SPTBN2: variants seen among roughly 807,000 people sequenced by gnomAD.
The protein encoded by SPTBN2 is spectrin beta chain, non-erythrocytic 2.
A neutral mutation model predicts 284.2 loss-of-function variants in SPTBN2; 107 were observed. The ratio of observed to expected loss-of-function variants is 0.38; its 90% confidence interval spans 0.32 to 0.44. The LOEUF is 0.44. Ranked by LOEUF, SPTBN2 falls within the 20% of genes least tolerant of loss-of-function variation. The pLI is 1.00. For missense variants in SPTBN2, 2,569 were observed against 3,287.1 expected (o/e 0.78, Z 5.34); for synonymous variants, 1,289 against 1,354.8 (o/e 0.95, Z 1.07).
rs1196717855 is a variant in SPTBN2 at position 66,701,315 on chromosome 11, C to G, written c.2817-33G>C. 8 of 1,607,800 alleles carry G rather than the reference C, an allele frequency of 5.0e-6. No individual in the cohort carries two copies. The African/African-American group carries it at 9.3e-5, about 19-fold the overall frequency. On this transcript the variant is annotated intron_variant, in intron 16 of 37. Transcript: ENST00000533211. ...CAGGGGGAAGGTTCAGCTTCCTGCC[C>G]TGGCCAGGCCTGTTTGGAAGCTTCT... is the stretch of plus-strand genomic sequence containing the variant.
chr11:66,702,092 T>C (rs539126552), intron 15 of SPTBN2, among the ~76,000 whole-genome samples: 4 of 152,320 alleles, frequency 2.6e-5, no homozygotes, highest in African/African-American at 9.6e-5. Context: ...CACTAATATG[T>C]GTTAGAAAAT....
intron 1 of SPTBN2, among the ~76,000 whole-genome samples, chr11:66,742,387 G>A (rs1942901746): frequency 6.6e-6 from 1 of 152,116 alleles, no homozygotes; most frequent in South Asian, 2.1e-4. Context: ...CAGTAGGGAG[G>A]ACAGCTGTGT....
At chr11:66,686,923 C>T (rs1940154159) in intron 36 of SPTBN2, 71 bp downstream of exon 36, 2 of 1,602,166 alleles carry the variant, frequency 1.2e-6, no homozygotes, top group Non-Finnish European at 8.5e-7. Context: ...TCCCTCTGGA[C>T]CTGACTCATG....
Position 66,694,203 on chromosome 11 carries a change from C to G in SPTBN2, c.4439G>C (p.Arg1480Pro). The G allele has an allele frequency of 6.2e-7, 1 of 1,613,576 alleles. No individual in the cohort carries two copies. The highest frequency in any genetic ancestry group is 8.5e-7 in the Non-Finnish European group (1 of 1,180,028). ...GCGAGAAGCCTGCAGGCGCCGGCAG[C>G]GTTCCCGCATGGGCTGGCACAAGGC... ...FRALCQPMRE[R>P]CRRLQASREQ... The change falls in exon 22 of 38, where the codon CGC becomes CCC. Residue 1480 changes from arginine (R) to proline (P), a missense_variant. Physicochemically the swap from Arg to Pro is moderately radical, Grantham distance 103. This residue lies in a region of SPTBN2 where 1,130 missense variants were observed against 1,317.3 expected (regional missense o/e 0.86). Coordinates refer to ENST00000533211, the MANE Select transcript of SPTBN2 (RefSeq NM_006946.4).
At position 66,701,205 on chromosome 11, in the gene SPTBN2, A is replaced by G; in HGVS notation, c.2894T>C (p.Leu965Ser). The change falls in exon 17 of 38, where the codon TTA (leucine) becomes TCA (serine). Residue 965 changes from leucine to serine, a missense_variant. Leu to Ser is a moderately radical substitution (Grantham distance 145). Coordinates refer to ENST00000533211, the MANE Select transcript of SPTBN2 (RefSeq NM_006946.4). Reference sequence around the variant, plus strand: ...CCAGGCCTGGGTCTCCGTGCACTCTAAGTGGTAGTTCTGGATGCTCAGGGC... The same window carrying G: ...CCAGGCCTGGGTCTCCGTGCACTCTGAGTGGTAGTTCTGGATGCTCAGGGC... ...TSALSIQNYHLECTETQAWMR... is the reference protein window; with the variant it reads ...TSALSIQNYHSECTETQAWMR... The G allele has an allele frequency of 1.9e-6, 3 of 1,613,010 alleles. No homozygotes were observed. Among genetic ancestry groups the G allele is most frequent in the Non-Finnish European group, 2.5e-6 (3 of 1,179,986 alleles).
intron 7 of SPTBN2, 110 bp from the exon 8 acceptor site, chr11:66,713,856 A>G: frequency 9.9e-7 from 1 of 1,013,330 alleles, no homozygotes. Flanking sequence ...TTTTGTCCAG[A>G]AGTAGGCATC....
rs758333601 is a variant in SPTBN2 at position 66,704,933 on chromosome 11, G to A, written c.2343C>T (p.Ser781=). Residue 781 remains serine (S), a synonymous_variant, in exon 15 of 38, where the codon TCC becomes TCT. Transcript: ENST00000533211. ...SSPELGHDEF[S]TQALARQHRA... ...GATGCTGCCTGGCTAGAGCCTGCGT[G>A]GAGAACTCGTCGTGCCCCAGCTCGG... is the stretch of plus-strand genomic sequence containing the variant. 20 of 1,611,326 alleles carry A rather than the reference G, an allele frequency of 1.2e-5. No homozygotes were observed. Among genetic ancestry groups the A allele is most frequent in the Non-Finnish European group, 1.7e-5 (20 of 1,179,910 alleles).
intron 15 of SPTBN2, among the ~76,000 whole-genome samples, chr11:66,702,212 G>A (rs140744434): frequency 0.014 from 2,084 of 152,328 alleles, 55 homozygotes; most frequent in African/African-American, 0.047. Context: ...TGTCACCCAG[G>A]CTGGAGTGTA....
Position 66,708,710 on chromosome 11 carries a change from G to A in SPTBN2, c.1191+192C>T, listed in dbSNP as rs1001656628. On this transcript the variant is annotated intron_variant, in intron 11 of 37. Coordinates refer to ENST00000533211, the MANE Select transcript of SPTBN2 (RefSeq NM_006946.4). The surrounding 1 kb of genome is among the most constrained non-coding windows in gnomAD (Gnocchi z 4.4). ...GAGTCAGACAAAGGGACAGGGAGCCGTGTGCCTGAGAGGATGGGAGAATCA... is the reference window on the plus strand; with the variant it reads ...GAGTCAGACAAAGGGACAGGGAGCCATGTGCCTGAGAGGATGGGAGAATCA... Among the ~76,000 whole-genome samples, 2 of 152,212 alleles carry A rather than the reference G, an allele frequency of 1.3e-5. No individual in the cohort carries two copies. The highest frequency in any genetic ancestry group is 2.1e-4 in the South Asian group (1 of 4,830).
chr11:66,707,430 G>T lies in SPTBN2; in HGVS notation c.1653+86C>A. The T allele has an allele frequency of 2.1e-6, 3 of 1,410,018 alleles. No individual in the cohort carries two copies. Among genetic ancestry groups the T allele is most frequent in the South Asian group, 1.3e-5 (1 of 79,166 alleles). The allele number at this position is 1,410,018 out of a possible 1,614,324, so 87.3% of individuals were successfully genotyped here. On this transcript the variant is annotated intron_variant, in intron 13 of 37. Coordinates refer to ENST00000533211, the MANE Select transcript of SPTBN2 (RefSeq NM_006946.4). This position sits in a 1 kb window ranked among gnomAD's most constrained non-coding sequence, Gnocchi z 4.9. Reference sequence around the variant, plus strand: ...TGCTGGTTCACACTCCACAGAGATCGGCCGAGCAGACGGGCGGACGCACCC... The same window carrying T: ...TGCTGGTTCACACTCCACAGAGATCTGCCGAGCAGACGGGCGGACGCACCC...
chr11:66,734,963 C>T (rs1942842178), intron 1 of SPTBN2, among the ~76,000 whole-genome samples: 2 of 152,210 alleles, frequency 1.3e-5, no homozygotes, highest in Admixed American at 1.3e-4. Flanking sequence ...AGATGCACTG[C>T]CCTCTGCATA....
At chr11:66,728,648 G>GCGC (rs1942728671) in intron 1 of SPTBN2, 93 bp downstream of exon 1, 1 of 152,132 alleles carries the variant, frequency 6.6e-6, no homozygotes, top group South Asian at 2.1e-4. Flanking sequence ...TCCGTGCGGG[G>GCGC]TCCCCCCAAA....
chr11:66,684,421 C>T lies in SPTBN2; in HGVS notation c.*1450G>A, dbSNP rs1410266782. ...GGCCAAGGTGAGAGAATCACTTGGG[C>T]CCAGGAATTCGAGACCGACCTGGGC... On this transcript the variant is annotated 3_prime_UTR_variant, in exon 38 of 38. Transcript: ENST00000533211. Among the ~76,000 whole-genome samples, 3 of 152,102 alleles carry T rather than the reference C, an allele frequency of 2.0e-5. No individual in the cohort carries two copies. Among genetic ancestry groups the T allele is most frequent in the African/African-American group, 7.2e-5 (3 of 41,426 alleles).
At chr11:66,690,483 T>A in intron 27 of SPTBN2, 200 bp from the exon 28 acceptor site, 1 of 661,312 alleles carries the variant, frequency 1.5e-6, no homozygotes, top group Admixed American at 3.0e-5. Context: ...TCTAGACACC[T>A]GGGCTTAACT....
chr11:66,723,204 TAA>T (rs749851666), intron 1 of SPTBN2, among the ~76,000 whole-genome samples: 1 of 141,036 alleles, frequency 7.1e-6, no homozygotes, highest in Non-Finnish European at 1.6e-5. Context: ...CTGCTGGGGA[TAA>T]AAAAAAAAAA....
Position 66,699,603 on chromosome 11 carries a change from A to G in SPTBN2, c.3579T>C (p.Tyr1193=). Residue 1193 remains tyrosine (Y), a synonymous_variant, in exon 18 of 38, where the codon TAT becomes TAC. Coordinates refer to ENST00000533211, the MANE Select transcript of SPTBN2 (RefSeq NM_006946.4). ...CTGGCATCTCCGTGTGAGACAGAAC[A>G]TATTCCTGTGTGGGAGGGATGACAT... ...QAEGVLSSQE[Y]VLSHTEMPGT... is the part of the protein sequence containing the mutation. 6.2e-7 allele frequency: 1 copy of G among 1,614,030 alleles called. No individual in the cohort carries two copies. The highest frequency in any genetic ancestry group is 8.5e-7 in the Non-Finnish European group (1 of 1,179,988).
intron 8 of SPTBN2, among the ~76,000 whole-genome samples, chr11:66,711,933 AG>A (rs1941884106): frequency 6.6e-6 from 1 of 152,252 alleles, no homozygotes; most frequent in Admixed American, 6.5e-5. Flanking sequence ...AATGGAAAAC[AG>A]GGAGAAAATG....
intron 21 of SPTBN2, 121 bp downstream of exon 21, chr11:66,696,156 T>G: frequency 7.6e-7 from 1 of 1,316,098 alleles, no homozygotes; most frequent in South Asian, 1.2e-5. Flanking sequence ...CCCAAAGAAA[T>G]GACTCTGGGA....
In SPTBN2 at chr11:66,735,885, T is replaced by C. The variant is rs148825051; in HGVS notation, c.-474-6693A>G. ...GTTGAGAAATAAAGAAAATGACATA[T>C]TTCCTCACTTGAGTCTATGACTTGA... On this transcript the variant is annotated intron_variant, in intron 1 of 37. Coordinates refer to the SPTBN2 transcript ENST00000611817. Among the ~76,000 whole-genome samples the C allele has an allele frequency of 1.3e-3, 191 of 152,302 alleles. 1 individual carries two copies. Among genetic ancestry groups the C allele is most frequent in the African/African-American group, 4.2e-3 (175 of 41,558 alleles).
Sources: allele counts gnomAD v4.1 joint callset (sites outside exome capture counted in the v4.1 genomes callset), GRCh38; gene constraint gnomAD v4.1.1; regional missense constraint gnomAD v4.1.1; non-coding constraint Gnocchi (gnomAD v3.1); transcripts MANE v1.5; gene names NCBI Gene and HGNC (gene_info 2026-07-23, HGNC 2026-07-21).